Variants in IQGAP2 observed in about 807,000 individuals in gnomAD.
IQGAP2 encodes IQ motif containing GTPase activating protein 2, also known as ras GTPase-activating-like protein IQGAP2.
In IQGAP2, 173 loss-of-function variants were observed where a neutral mutation model predicts 201.3. That is an observed-to-expected ratio of 0.86 (90% CI 0.76 to 0.98). IQGAP2 has a LOEUF of 0.98. Ranked by LOEUF, IQGAP2 falls within the 50% of genes least tolerant of loss-of-function variation. The probability of loss-of-function intolerance (pLI) is 0.00; values close to 1 mark genes in which losing one functional copy is unlikely to be tolerated. For synonymous variants in IQGAP2, 675 were observed against 673.9 expected, an observed-to-expected ratio of 1.00 and a Z score of -0.03; for missense variants, 1,687 against 1,864.8, an observed-to-expected ratio of 0.90 and a Z score of 1.76.
At chr5:76,632,428 A>G (rs1750786244) in intron 15 of IQGAP2, among the ~76,000 whole-genome samples, 1 of 152,188 alleles carries the variant, frequency 6.6e-6, no homozygotes, top group Non-Finnish European at 1.5e-5. Context: ...ATAAAGTACA[A>G]TGAGCCAGCC....
At chr5:76,571,359 GTTTT>G (rs572299652) in intron 4 of IQGAP2, among the ~76,000 whole-genome samples, 1 of 151,998 alleles carries the variant, frequency 6.6e-6, no homozygotes, top group South Asian at 2.1e-4. Context: ...TTTTGTTTTT[GTTTT>G]TGTAGAGACA....
chr5:76,540,808 G>A (rs1742714481), intron 2 of IQGAP2, among the ~76,000 whole-genome samples: 1 of 152,124 alleles, frequency 6.6e-6, no homozygotes, highest in Admixed American at 6.5e-5. Context: ...ATACATGATG[G>A]CCCCGGGGAA....
intron 2 of IQGAP2, among the ~76,000 whole-genome samples, chr5:76,498,965 T>C (rs1338129482): frequency 6.6e-6 from 1 of 152,072 alleles, no homozygotes; most frequent in Non-Finnish European, 1.5e-5. Context: ...GAAAAGAAAA[T>C]AGTAGAAACA....
At chr5:76,426,905 G>GGTGTGTGTGTGTGT (rs141560559) in intron 1 of IQGAP2, among the ~76,000 whole-genome samples, 8,419 of 146,574 alleles carry the variant, frequency 0.057, 300 homozygotes, top group East Asian at 0.14. Context: ...AACCATGGAG[G>GGTGTGTGTGTGTGT]GTGTGTGTGT....
At chr5:76,658,765 T>A in intron 21 of IQGAP2, 98 bp downstream of exon 21, 1 of 1,017,734 alleles carries the variant, frequency 9.8e-7, no homozygotes. Flanking sequence ...CTCAGAAATG[T>A]AGCATTAGGT....
intron 17 of IQGAP2, among the ~76,000 whole-genome samples, chr5:76,642,671 T>C (rs1039499813): frequency 1.3e-5 from 2 of 152,170 alleles, no homozygotes; most frequent in Admixed American, 6.5e-5. Flanking sequence ...TGTTCTGATA[T>C]CTGAGAAGGT....
At chr5:76,643,104 G>GATT (rs1319329657) in intron 17 of IQGAP2, among the ~76,000 whole-genome samples, 3 of 152,168 alleles carry the variant, frequency 2.0e-5, no homozygotes, top group African/African-American at 4.8e-5. Context: ...AAGTGGAGTA[G>GATT]ATATCTAGAG....
chr5:76,429,433 G>A (rs367688291), intron 1 of IQGAP2, among the ~76,000 whole-genome samples: 3,137 of 151,032 alleles, frequency 0.021, 55 homozygotes, highest in African/African-American at 0.037. Flanking sequence ...TTAGCCAGGC[G>A]TGGTGGTGGG....
chr5:76,674,721 C>A lies in IQGAP2; in HGVS notation c.3527+12C>A. The A allele has an allele frequency of 6.3e-7, 1 of 1,578,662 alleles. No homozygotes were observed. The highest frequency in any genetic ancestry group is 8.7e-7 in the Non-Finnish European group (1 of 1,148,128). ...TATCAGGAATTCAGGTGAGAGGGGC[C>A]CTTAGTTTTGGAGAAACGTGCAAGA... On this transcript the variant is annotated intron_variant, in intron 27 of 35. Coordinates refer to ENST00000274364, the MANE Select transcript of IQGAP2 (RefSeq NM_006633.5).
chr5:76,487,126 G>T (rs1357350879), intron 2 of IQGAP2, among the ~76,000 whole-genome samples: 4 of 149,046 alleles, frequency 2.7e-5, no homozygotes, highest in Non-Finnish European at 5.9e-5. Flanking sequence ...TGAGATGGAG[G>T]CTTGCTCTGT....
intron 17 of IQGAP2, among the ~76,000 whole-genome samples, chr5:76,645,092 A>G (rs10060984): frequency 0.62 from 93,864 of 151,768 alleles, 29,183 homozygotes; most frequent in South Asian, 0.77. Context: ...GAGTGAGAAC[A>G]TGCGGTGTTT....
At chr5:76,520,188 T>A (rs1440486105) in intron 2 of IQGAP2, among the ~76,000 whole-genome samples, 1 of 152,132 alleles carries the variant, frequency 6.6e-6, no homozygotes, top group East Asian at 1.9e-4. Context: ...CTGTAACAAT[T>A]TCGGGTTAAT....
At chr5:76,619,935 A>G (rs899451224) in intron 13 of IQGAP2, among the ~76,000 whole-genome samples, 1 of 152,286 alleles carries the variant, frequency 6.6e-6, no homozygotes, top group Admixed American at 6.5e-5. Context: ...TGAAGATGCT[A>G]TGCTGCTGGC....
chr5:76,425,683 A>G (rs925233738), intron 1 of IQGAP2, among the ~76,000 whole-genome samples: 5 of 152,318 alleles, frequency 3.3e-5, no homozygotes, highest in South Asian at 2.1e-4. Context: ...CCTTCTGATT[A>G]TGAGAGATGA....
intron 2 of IQGAP2, 125 bp from the exon 3 acceptor site, chr5:76,562,271 A>G: frequency 1.5e-6 from 1 of 670,646 alleles, no homozygotes; most frequent in Non-Finnish European, 2.5e-6. Flanking sequence ...CACCAGTGAC[A>G]CCGAAAGATG....
At chr5:76,579,663 A>T (rs1349217075) in intron 5 of IQGAP2, among the ~76,000 whole-genome samples, 1 of 150,224 alleles carries the variant, frequency 6.7e-6, no homozygotes, top group Non-Finnish European at 1.5e-5. Context: ...CCTTTTAAAT[A>T]TTTTTTTTTT....
chr5:76,531,645 C>T (rs1289162825), intron 2 of IQGAP2, among the ~76,000 whole-genome samples: 4 of 152,170 alleles, frequency 2.6e-5, no homozygotes, highest in South Asian at 2.1e-4. Context: ...CTCTGTTCCT[C>T]GGAACACTGT....
intron 2 of IQGAP2, among the ~76,000 whole-genome samples, chr5:76,561,679 C>T (rs1398495819): frequency 2.0e-5 from 3 of 152,172 alleles, no homozygotes; most frequent in Non-Finnish European, 4.4e-5. Flanking sequence ...GTCTCCTCTC[C>T]CACTGTAAGT....
chr5:76,677,444 A>G lies in IQGAP2; in HGVS notation c.3660+94A>G, dbSNP rs945916146. On this transcript the variant is annotated intron_variant, in intron 28 of 35. Transcript: ENST00000274364. Reference sequence around the variant, plus strand: ...TTAATCTCTACAGGACTTATTGTACACATGTGCTAATACTCATATTCTTAA... The same window carrying G: ...TTAATCTCTACAGGACTTATTGTACGCATGTGCTAATACTCATATTCTTAA... 4 of 1,147,424 alleles carry G rather than the reference A, an allele frequency of 3.5e-6. No individual in the cohort carries two copies. In the African/African-American group the frequency reaches 6.1e-5, roughly 18 times the overall value. 71.1% of individuals were successfully genotyped at this position (1,147,424 alleles called of 1,614,324 possible). A position where few individuals can be genotyped will look rare whatever the true frequency, so the allele number is the denominator to read the frequency against.
Sources: allele counts gnomAD v4.1 joint callset (sites outside exome capture counted in the v4.1 genomes callset), GRCh38; gene constraint gnomAD v4.1.1; transcripts MANE v1.5; gene names NCBI Gene and HGNC (gene_info 2026-07-23, HGNC 2026-07-21).